PSMD11: variants seen among roughly 807,000 people sequenced by gnomAD.
PSMD11 encodes proteasome 26S subunit, non-ATPase 11.
Under a neutral mutation model 62.3 loss-of-function variants are expected in PSMD11, and 5 were observed. That is an observed-to-expected ratio of 0.08 (90% CI 0.04 to 0.17). PSMD11 has a LOEUF of 0.17. Among genes scored for constraint, PSMD11 ranks in the 10% least tolerant of loss-of-function variants. The probability of loss-of-function intolerance (pLI) is 1.00; values close to 1 mark genes in which losing one functional copy is unlikely to be tolerated. For missense variants in PSMD11, 310 were observed against 512.9 expected (o/e 0.60, Z 3.82); for synonymous variants, 191 against 191.8 (o/e 1.00, Z 0.03).
At chr17:32,471,913 T>C (rs781153713) in intron 6 of PSMD11, among the ~76,000 whole-genome samples, 9 of 152,000 alleles carry the variant, frequency 5.9e-5, no homozygotes, top group Non-Finnish European at 1.3e-4. Flanking sequence ...TTTTCACCCA[T>C]GCTGCAGTGC....
At chr17:32,455,249 A>G (rs1464851010) in intron 3 of PSMD11, among the ~76,000 whole-genome samples, 2 of 152,200 alleles carry the variant, frequency 1.3e-5, no homozygotes, top group East Asian at 1.9e-4. Context: ...AGCAGGGTAT[A>G]TTGTCATTGC....
In PSMD11 at chr17:32,469,215, G is replaced by A. The variant is rs766264999; in HGVS notation, c.643+22G>A. 6 of 1,601,142 alleles carry A rather than the reference G, an allele frequency of 3.7e-6. No homozygotes were observed. The South Asian group carries it at 6.6e-5, about 18-fold the overall frequency. On this transcript the variant is annotated intron_variant, in intron 6 of 13. Coordinates refer to ENST00000261712, the MANE Select transcript of PSMD11 (RefSeq NM_002815.4). ...TCGGGTAACAGACGTAGCTATTCCT[G>A]GGATGTGTTTTCTTAAAGCTCATCT...
At chr17:32,446,833 TGTC>T in intron 1 of PSMD11, 109 bp from the exon 2 acceptor site, 1 of 576,186 alleles carries the variant, frequency 1.7e-6, no homozygotes, top group Non-Finnish European at 2.9e-6. Context: ...CTCTAGAATT[TGTC>T]TTTTGGTAAA....
At chr17:32,457,355 A>C (rs1372441813) in intron 3 of PSMD11, among the ~76,000 whole-genome samples, 1 of 152,032 alleles carries the variant, frequency 6.6e-6, no homozygotes, top group Non-Finnish European at 1.5e-5. Context: ...CTCTTGCTTC[A>C]GCCTCCTGAG....
chr17:32,479,925 C>T (rs370584151), intron 11 of PSMD11, 39 bp downstream of exon 11: 112 of 1,602,184 alleles, frequency 7.0e-5, no homozygotes, highest in African/African-American at 6.3e-4. Context: ...AGGAATGGGA[C>T]GGGGTGGCGA....
At chr17:32,478,724 T>A (rs556593238) in intron 9 of PSMD11, among the ~76,000 whole-genome samples, 2 of 152,212 alleles carry the variant, frequency 1.3e-5, no homozygotes, top group Non-Finnish European at 2.9e-5. Context: ...TGTTCTTTTT[T>A]TCCCCCCCAT....
chr17:32,461,935 C>A (rs1014230903), intron 3 of PSMD11, among the ~76,000 whole-genome samples: 1 of 152,066 alleles, frequency 6.6e-6, no homozygotes, highest in Non-Finnish European at 1.5e-5. Flanking sequence ...TGAGGAGTTA[C>A]AAAGGTTTTG....
At chr17:32,474,191 T>C (rs1038694860) in intron 7 of PSMD11, 3 of 540,960 alleles carry the variant, frequency 5.5e-6, no homozygotes, top group Non-Finnish European at 6.6e-6. Flanking sequence ...AGAATTCTCC[T>C]CATCCTTTAA....
In PSMD11 at chr17:32,469,478, C is replaced by T. The variant is rs1908096587; in HGVS notation, c.643+285C>T. On this transcript the variant is annotated intron_variant, in intron 6 of 13. Transcript: ENST00000261712. ...GACTCCCTTAGCTCTTAGCCACTTACTCAGAATAGTAGCATTTTCCTTTGG... is the reference window on the plus strand; with the variant it reads ...GACTCCCTTAGCTCTTAGCCACTTATTCAGAATAGTAGCATTTTCCTTTGG... Among the ~76,000 whole-genome samples, 15 of 152,338 alleles carry T rather than the reference C, an allele frequency of 9.8e-5. No individual in the cohort carries two copies. In the South Asian group the frequency reaches 3.1e-3, roughly 32 times the overall value.
intron 9 of PSMD11, 79 bp downstream of exon 9, chr17:32,477,662 ATAAT>A (rs1449603754): frequency 4.6e-6 from 6 of 1,301,302 alleles, no homozygotes; most frequent in South Asian, 1.3e-5. Context: ...ACTTTTAAAA[ATAAT>A]TATAGTTTCA....
intron 5 of PSMD11, among the ~76,000 whole-genome samples, chr17:32,467,575 T>C (rs1036283472): frequency 6.6e-6 from 1 of 152,172 alleles, no homozygotes; most frequent in Admixed American, 6.5e-5. Context: ...CAGATAAATA[T>C]TCAGATCCTT....
chr17:32,444,791 C>T (rs1234698406), intron 1 of PSMD11, 177 bp downstream of exon 1: 3 of 690,200 alleles, frequency 4.3e-6, no homozygotes, highest in African/African-American at 1.9e-5. Context: ...AGGTCTCACT[C>T]TTGTGGGAGG....
At chr17:32,463,368 T>A (rs11657826) in intron 3 of PSMD11, 60,467 of 151,938 alleles carry the variant, frequency 0.4, 12,968 homozygotes, top group Non-Finnish European at 0.47. Flanking sequence ...ATTAAAAAAA[T>A]TTTTTTTAAG....
At chr17:32,463,513 G>A (rs2150834265) in intron 3 of PSMD11, 1 of 152,496 alleles carries the variant, frequency 6.6e-6, no homozygotes, top group South Asian at 2.0e-4. Flanking sequence ...CTAGGTTACT[G>A]TACCTGTTTG....
chr17:32,473,172 G>C (rs1435882730), intron 6 of PSMD11, among the ~76,000 whole-genome samples: 1 of 149,700 alleles, frequency 6.7e-6, no homozygotes, highest in Non-Finnish European at 1.5e-5. Flanking sequence ...AAAAAATAAA[G>C]AGACAACATC....
chr17:32,469,040 G>C lies in PSMD11; in HGVS notation c.490G>C (p.Ala164Pro). The change falls in exon 6 of 14, where the codon GCT (alanine) becomes CCT (proline). Residue 164 changes from alanine to proline, a missense_variant. Physicochemically the swap from Ala to Pro is conservative, Grantham distance 27. This residue lies in a region of PSMD11 where 47 missense variants were observed against 59.0 expected (regional missense o/e 0.80). Transcript: ENST00000261712. The stretch of plus-strand genomic sequence containing the variant: ...GGAGTTGAAAAAGATGGACGACAAA[G>C]CTCTTTTGGTGGAAGTACAGCTTTT... ...LRELKKMDDK[A>P]LLVEVQLLES... 2 of 1,613,988 alleles carry C rather than the reference G, an allele frequency of 1.2e-6. No individual in the cohort carries two copies. The highest frequency in any genetic ancestry group is 2.2e-5 in the South Asian group (2 of 91,062).
intron 3 of PSMD11, among the ~76,000 whole-genome samples, chr17:32,462,860 C>T (rs990668349): frequency 6.6e-6 from 1 of 152,050 alleles, no homozygotes; most frequent in Admixed American, 6.6e-5. Context: ...CTAATTTCTT[C>T]TATTTTTAGT....
intron 2 of PSMD11, among the ~76,000 whole-genome samples, chr17:32,453,875 G>C (rs1168927396): frequency 1.3e-5 from 2 of 152,284 alleles, no homozygotes; most frequent in East Asian, 1.9e-4. Context: ...AGGTTTTGAA[G>C]ATTAATGAGG....
At chr17:32,469,300 T>G in intron 6 of PSMD11, 107 bp downstream of exon 6, 1 of 1,191,372 alleles carries the variant, frequency 8.4e-7, no homozygotes, top group Non-Finnish European at 1.1e-6. Flanking sequence ...CTGATTTGGC[T>G]CTAGCTTCTT....
Sources: allele counts gnomAD v4.1 joint callset (sites outside exome capture counted in the v4.1 genomes callset), GRCh38; gene constraint gnomAD v4.1.1; regional missense constraint gnomAD v4.1.1; transcripts MANE v1.5; gene names NCBI Gene and HGNC (gene_info 2026-07-23, HGNC 2026-07-21).